Variants in MAPKBP1 observed in about 807,000 individuals in gnomAD.
The protein encoded by MAPKBP1 is mitogen-activated protein kinase-binding protein 1.
A neutral mutation model predicts 170.5 loss-of-function variants in MAPKBP1; 71 were observed. The observed-to-expected ratio is 0.42, with a 90% CI of 0.34 to 0.51. The LOEUF (loss-of-function observed/expected upper bound fraction) is 0.51. Ranked by LOEUF, MAPKBP1 falls within the 20% of genes least tolerant of loss-of-function variation. The pLI, the probability that MAPKBP1 is intolerant of heterozygous loss-of-function variation, is 0.06. For synonymous variants in MAPKBP1, 719 were observed against 757.9 expected (o/e 0.95, Z 0.84); for missense variants, 1,598 against 1,933.0 (o/e 0.83, Z 3.25).
intron 21 of MAPKBP1, 40 bp from the exon 22 acceptor site, chr15:41,819,555 G>GAC: frequency 1.3e-6 from 2 of 1,481,944 alleles, no homozygotes; most frequent in Non-Finnish European, 9.3e-7. Context: ...GGCGGGGGGG[G>GAC]GGCAGGAGAC....
chr15:41,794,184 A>G (rs11857301), intron 2 of MAPKBP1, among the ~76,000 whole-genome samples: 19,066 of 152,144 alleles, frequency 0.13, 1,287 homozygotes, highest in South Asian at 0.18. Flanking sequence ...GTGAGCTGAG[A>G]TCACCCCACT....
chr15:41,822,497 C>G, intron 26 of MAPKBP1, 75 bp downstream of exon 26: 1 of 1,600,552 alleles, frequency 6.2e-7, no homozygotes, highest in Non-Finnish European at 8.5e-7. Context: ...GAGGAGGGTC[C>G]CAGGGTATAG....
rs1555454053 is a variant in MAPKBP1 at position 41,819,552 on chromosome 15, G to GGC, written c.2426-42_2426-41insCG. The GGC allele has an allele frequency of 2.0e-6, 3 of 1,508,690 alleles. No homozygotes were observed. The African/African-American group carries it at 4.2e-5, about 21-fold the overall frequency. The allele number at this position is 1,508,690 out of a possible 1,614,324, so 93.5% of individuals were successfully genotyped here. On this transcript the variant is annotated intron_variant, in intron 21 of 30. Coordinates refer to ENST00000457542, the MANE Select transcript of MAPKBP1 (RefSeq NM_014994.3). ...AGGGCTCCAGGGTTGGGTGGCGGGG[G>GGC]GGGGGCAGGAGACACTTCCTCTGAC...
chr15:41,783,889 G>A (rs1189103549), intron 2 of MAPKBP1, among the ~76,000 whole-genome samples: 1 of 152,124 alleles, frequency 6.6e-6, no homozygotes, highest in Non-Finnish European at 1.5e-5. Flanking sequence ...GGTGCCTGTA[G>A]CCCCAGCTAC....
chr15:41,782,005 T>G (rs1306044314), intron 2 of MAPKBP1, among the ~76,000 whole-genome samples: 1 of 151,600 alleles, frequency 6.6e-6, no homozygotes, highest in African/African-American at 2.4e-5. Context: ...TCCTAGCATT[T>G]TGGGAGGCCG....
chr15:41,813,221 G>C (rs1477124491), intron 8 of MAPKBP1, 120 bp downstream of exon 8: 9 of 1,511,566 alleles, frequency 6.0e-6, no homozygotes, highest in Non-Finnish European at 7.3e-6. Context: ...CCAGGAGAAC[G>C]AAGCTTGGGG....
At chr15:41,774,694 G>A (rs924355213) in intron 1 of MAPKBP1, 84 bp downstream of exon 1, 72 of 399,036 alleles carry the variant, frequency 1.8e-4, no homozygotes, top group Middle Eastern at 1.3e-3. Flanking sequence ...AGCCGCTGTG[G>A]AGGGCGGAGA....
At chr15:41,816,206 C>A (rs1038567451) in intron 12 of MAPKBP1, 9 of 358,554 alleles carry the variant, frequency 2.5e-5, no homozygotes, top group African/African-American at 1.6e-4. Context: ...TTACAGACCA[C>A]AGAAGTCTAA....
Position 41,817,248 on chromosome 15 carries a change from TG to T in MAPKBP1, c.1712-137del. 1 of 1,196,146 alleles carries T rather than the reference TG, an allele frequency of 8.4e-7. No homozygotes were observed. Among genetic ancestry groups the T allele is most frequent in the Non-Finnish European group, 1.2e-6 (1 of 833,504 alleles). 74.1% of individuals were successfully genotyped at this position (1,196,146 alleles called of 1,614,324 possible). A position where few individuals can be genotyped will look rare whatever the true frequency, so the allele number is the denominator to read the frequency against. On this transcript the variant is annotated intron_variant, in intron 14 of 30. Transcript: ENST00000457542. This position sits in a 1 kb window ranked among gnomAD's most constrained non-coding sequence, Gnocchi z 4.2. ...CTGAGGATAAGGAGACAGGAAAACC[TG>T]GGTTTCCAGGTTTAATTTAGTTGGT...
At chr15:41,824,172 T>G in intron 29 of MAPKBP1, 111 bp downstream of exon 29, 1 of 1,415,452 alleles carries the variant, frequency 7.1e-7, no homozygotes, top group Non-Finnish European at 9.5e-7. Context: ...TGGTGTTTCT[T>G]GTCCTGTCTG....
chr15:41,779,956 C>A (rs1237534071), intron 2 of MAPKBP1, among the ~76,000 whole-genome samples: 1 of 152,168 alleles, frequency 6.6e-6, no homozygotes, highest in African/African-American at 2.4e-5. Context: ...CCATTTCATC[C>A]CTCCTTCCGG....
Position 41,823,844 on chromosome 15 carries a change from C to G in MAPKBP1, c.3996C>G (p.His1332Gln). Residue 1332 changes from histidine (H) to glutamine (Q), a missense_variant, in exon 29 of 31, where the codon CAC (histidine) becomes CAG (glutamine). Transcript: ENST00000457542. ...PGFPVGLGKA[H>Q]STTERWACLG... ...TCCCGGTGGGCCTAGGAAAAGCTCA[C>G]AGTACAACTGAGAGATGGGCCTGTT... is the stretch of plus-strand genomic sequence containing the variant. 6.2e-7 allele frequency: 1 copy of G among 1,614,166 alleles called. No individual in the cohort carries two copies. The highest frequency in any genetic ancestry group is 8.5e-7 in the Non-Finnish European group (1 of 1,180,028).
At chr15:41,787,658 G>A (rs1417010601) in intron 2 of MAPKBP1, among the ~76,000 whole-genome samples, 3 of 151,886 alleles carry the variant, frequency 2.0e-5, no homozygotes, top group Non-Finnish European at 4.4e-5. Context: ...GAACCACCAC[G>A]CCCGGCCGCG....
At position 41,799,907 on chromosome 15, in the gene MAPKBP1, C is replaced by T; in HGVS notation, c.199C>T (p.Pro67Ser). 1 of 1,614,082 alleles carries T rather than the reference C, an allele frequency of 6.2e-7. No homozygotes were observed. The highest frequency in any genetic ancestry group is 1.7e-5 in the Admixed American group (1 of 60,012). ...CCCCCGATCAGGTTTAGTTGCTTAC[C>T]CAGCAGGGTAAGTAAGCGCCTTGGA... ...CDPRSGLVAY[P>S]AGCVVVLFNP... Residue 67 changes from proline to serine, a missense_variant, in exon 3 of 31, where the codon CCA becomes TCA. Physicochemically the swap from Pro to Ser is moderately conservative, Grantham distance 74 (BLOSUM62 -1). Coordinates refer to ENST00000457542, the MANE Select transcript of MAPKBP1 (RefSeq NM_014994.3).
At chr15:41,784,893 T>TTA (rs1555447810) in intron 2 of MAPKBP1, among the ~76,000 whole-genome samples, 4 of 105,664 alleles carry the variant, frequency 3.8e-5, no homozygotes, top group South Asian at 6.6e-4. Flanking sequence ...ACCCTATCTG[T>TTA]AAAAAAAAAA....
At chr15:41,803,616 G>A (rs774671501) in intron 3 of MAPKBP1, among the ~76,000 whole-genome samples, 31 of 151,854 alleles carry the variant, frequency 2.0e-4, no homozygotes, top group Non-Finnish European at 2.8e-4. Context: ...TGGGGAGGCT[G>A]AGGCAGGAGG....
rs144429404 is a variant in MAPKBP1, at chr15:41,823,137, C to G, written c.3513C>G (p.Ser1171Arg). ...LLPRCRLNPDSSWAPKRVATA... is the reference protein window; with the variant it reads ...LLPRCRLNPDRSWAPKRVATA... ...CACGATGCCGTCTCAACCCTGACAGCAGCTGGGCTCCCAAGAGAGTGGCCA... is the reference window on the plus strand; with the variant it reads ...CACGATGCCGTCTCAACCCTGACAGGAGCTGGGCTCCCAAGAGAGTGGCCA... The change falls in exon 28 of 31, where the codon AGC becomes AGG. Residue 1171 changes from serine to arginine, a missense_variant. By Grantham distance (110) the Ser-to-Arg change is moderately radical (BLOSUM62 -1). This residue lies in a region of MAPKBP1 where 942 missense variants were observed against 953.2 expected (regional missense o/e 0.99). Transcript: ENST00000457542. 18 of 1,613,716 alleles carry G rather than the reference C, an allele frequency of 1.1e-5. No homozygotes were observed. The highest frequency in any genetic ancestry group is 1.4e-5 in the Non-Finnish European group (17 of 1,180,034).
At chr15:41,824,192 C>G (rs2065050933) in intron 29 of MAPKBP1, 131 bp downstream of exon 29, 2 of 1,294,674 alleles carry the variant, frequency 1.5e-6, no homozygotes, top group East Asian at 2.3e-5. Flanking sequence ...GCTCCTGTCG[C>G]AGGTCCGTAA....
intron 2 of MAPKBP1, among the ~76,000 whole-genome samples, chr15:41,778,109 C>T (rs538747469): frequency 1.3e-5 from 2 of 152,302 alleles, no homozygotes; most frequent in African/African-American, 4.8e-5. Context: ...GGATCGGGGT[C>T]ATGCTCTTTA....
Sources: gnomAD v4.1 joint callset for allele counts (sites outside exome capture counted in the v4.1 genomes callset) on GRCh38, gnomAD v4.1.1 for gene constraint, gnomAD v4.1.1 regional missense constraint, Gnocchi (gnomAD v3.1) non-coding constraint, MANE v1.5 for transcripts, NCBI Gene and HGNC (gene_info 2026-07-23, HGNC 2026-07-21) for gene names.